The following RAB36 variants were observed in gnomAD, a reference collection of about 807,000 sequenced individuals.
The protein encoded by RAB36 is RAB36, member RAS oncogene family.
Under a neutral mutation model 39.3 loss-of-function variants are expected in RAB36, and 33 were observed. The observed-to-expected ratio is 0.84, with a 90% CI of 0.64 to 1.12. The LOEUF (loss-of-function observed/expected upper bound fraction) is 1.12. Among genes scored for constraint, RAB36 ranks in the 50% most tolerant of loss-of-function variants. RAB36 has a pLI of 0.00. For synonymous variants in RAB36, 133 were observed against 140.2 expected (o/e 0.95, Z 0.36); for missense variants, 308 against 355.3 (o/e 0.87, Z 1.07).
intron 2 of RAB36, among the ~76,000 whole-genome samples, chr22:23,149,420 G>T (rs919596900): frequency 5.9e-5 from 9 of 152,216 alleles, no homozygotes; most frequent in African/African-American, 1.9e-4. Context: ...TGAGGCCCAT[G>T]CTCTTAAACC....
downstream of RAB36, among the ~76,000 whole-genome samples, chr22:23,167,782 A>C (rs2072075849): frequency 6.6e-6 from 1 of 151,854 alleles, no homozygotes; most frequent in South Asian, 2.1e-4. Context: ...TCCCGGTCTC[A>C]AGCAATCCTC....
chr22:23,158,846 G>C (rs891940033), intron 7 of RAB36, 52 bp from the exon 8 acceptor site: 1 of 1,545,952 alleles, frequency 6.5e-7, no homozygotes, highest in Admixed American at 1.7e-5. Flanking sequence ...TCTGCCCCCT[G>C]TTTGGGGTGG....
At position 23,150,058 on chromosome 22, in the gene RAB36, T is replaced by A. The variant is rs2071015237; in HGVS notation, c.70-5T>A. On this transcript the variant is annotated splice_polypyrimidine_tract_variant and splice_region_variant and intron_variant, in intron 2 of 10. Coordinates refer to ENST00000263116, the MANE Select transcript of RAB36 (RefSeq NM_004914.5). Reference sequence around the variant, plus strand: ...TGATGTGTCCGTCTGTCTGTCTCTTTGCAGTGGTACACGCCGGAAGCCTGT... The same window carrying A: ...TGATGTGTCCGTCTGTCTGTCTCTTAGCAGTGGTACACGCCGGAAGCCTGT... 1 of 1,603,390 alleles carries A rather than the reference T, an allele frequency of 6.2e-7. No homozygotes were observed. The highest frequency in any genetic ancestry group is 1.3e-5 in the African/African-American group (1 of 74,918).
rs2071887713 is a variant in RAB36, at chr22:23,162,866, TATTC to T, written c.*1307_*1310del. On this transcript the variant is annotated 3_prime_UTR_variant, in exon 11 of 11. Coordinates refer to ENST00000263116, the MANE Select transcript of RAB36 (RefSeq NM_004914.5). Reference sequence around the variant, plus strand: ...AGGGAAGAACACTGGCATCTTTTTCTATTCATTCCCCCTTCAACATATTTTTTGT... The same window carrying T: ...AGGGAAGAACACTGGCATCTTTTTCTATTCCCCCTTCAACATATTTTTTGT... The T allele has an allele frequency of 2.5e-6, 1 of 406,216 alleles. No homozygotes were observed. The highest frequency in any genetic ancestry group is 2.1e-5 in the African/African-American group (1 of 48,504). The allele number at this position is 406,216 out of a possible 1,614,324, so 25.2% of individuals were successfully genotyped here. A position where few individuals can be genotyped will look rare whatever the true frequency, so the allele number is the denominator to read the frequency against.
In RAB36 at chr22:23,162,688, C is replaced by T; in HGVS notation, c.*1124C>T. The stretch of plus-strand genomic sequence containing the variant: ...ACAGCCCCAGGCCCCTGTCACCTGG[C>T]TATGCCCACTCATCCCACCCGTCTC... On this transcript the variant is annotated 3_prime_UTR_variant, in exon 11 of 11. Coordinates refer to ENST00000263116, the MANE Select transcript of RAB36 (RefSeq NM_004914.5). The T allele has an allele frequency of 2.2e-6, 1 of 456,324 alleles. No homozygotes were observed. Among genetic ancestry groups the T allele is most frequent in the Non-Finnish European group, 4.4e-6 (1 of 226,980 alleles). 28.3% of individuals were successfully genotyped at this position (456,324 alleles called of 1,614,324 possible).
At chr22:23,153,168 G>T in intron 5 of RAB36, 34 bp downstream of exon 5, 1 of 1,504,000 alleles carries the variant, frequency 6.6e-7, no homozygotes, top group Non-Finnish European at 9.3e-7. Flanking sequence ...CTCGTGGGCA[G>T]CTTCCTACAG....
intron 7 of RAB36, 78 bp downstream of exon 7, chr22:23,158,121 G>A: frequency 6.3e-7 from 1 of 1,587,640 alleles, no homozygotes; most frequent in African/African-American, 1.3e-5. Context: ...ACCCTGGCCA[G>A]TGGACCCTGA....
downstream of RAB36, among the ~76,000 whole-genome samples, chr22:23,166,741 T>C (rs2072058985): frequency 6.6e-6 from 1 of 152,100 alleles, no homozygotes; most frequent in Non-Finnish European, 1.5e-5. Context: ...GCTCTACACC[T>C]TGGATCCCAA....
chr22:23,157,687 C>A (rs1291974147), intron 6 of RAB36, among the ~76,000 whole-genome samples: 1 of 152,248 alleles, frequency 6.6e-6, no homozygotes. Context: ...CTCACCTGAG[C>A]TCCCTTAGCC....
intron 3 of RAB36, 44 bp from the exon 4 acceptor site, chr22:23,152,417 C>T (rs1466078181): frequency 4.4e-6 from 7 of 1,605,244 alleles, no homozygotes; most frequent in Admixed American, 1.7e-5. Context: ...CTGAAGACAC[C>T]CTGGAAGGCA....
chr22:23,148,205 GAGA>G (rs1427246743), intron 2 of RAB36, among the ~76,000 whole-genome samples: 1 of 152,164 alleles, frequency 6.6e-6, no homozygotes, highest in Non-Finnish European at 1.5e-5. Flanking sequence ...CACACCTACA[GAGA>G]AAGGCTTTGT....
intron 5 of RAB36, chr22:23,153,604 T>C (rs1034290813): frequency 1.1e-4 from 111 of 984,524 alleles, no homozygotes; most frequent in Non-Finnish European, 1.3e-4. Context: ...AGCACCCACA[T>C]CCTTCCTCAG....
chr22:23,153,567 G>C, intron 5 of RAB36: 1 of 985,254 alleles, frequency 1.0e-6, no homozygotes, highest in South Asian at 4.7e-5. Flanking sequence ...GCCAGGCTTG[G>C]GCAAGGAGGG....
rs758848844 is a variant in RAB36, at chr22:23,146,679, C to T, written c.63C>T (p.Phe21=). 5.5e-5 allele frequency: 88 copies of T among 1,613,776 alleles called. No homozygotes were observed. The highest frequency in any genetic ancestry group is 6.9e-5 in the Non-Finnish European group (82 of 1,179,870). Residue 21 remains phenylalanine (F), a synonymous_variant, in exon 2 of 11, where the codon TTC becomes TTT. Coordinates refer to ENST00000263116, the MANE Select transcript of RAB36 (RefSeq NM_004914.5). ...GCCGCGACCGTGTCATCGCCAGCTT[C>T]CCTAAGGTAGAGAGTCATTACGTCT... ...PVSRDRVIAS[F]PKWYTPEACL... is the part of the protein sequence containing the mutation.
chr22:23,149,253 T>C (rs1303476451), intron 2 of RAB36, among the ~76,000 whole-genome samples: 1 of 152,138 alleles, frequency 6.6e-6, no homozygotes, highest in African/African-American at 2.4e-5. Flanking sequence ...ACAGCCTCAA[T>C]GGTGTCCTTC....
chr22:23,160,852 G>T, intron 9 of RAB36, 27 bp from the exon 10 acceptor site: 1 of 1,608,150 alleles, frequency 6.2e-7, no homozygotes, highest in Admixed American at 1.7e-5. Flanking sequence ...ACACTGATGA[G>T]GTCCCGGCTG....
At chr22:23,156,690 A>C (rs1170767941) in intron 6 of RAB36, among the ~76,000 whole-genome samples, 1 of 152,228 alleles carries the variant, frequency 6.6e-6, no homozygotes, top group Non-Finnish European at 1.5e-5. Flanking sequence ...TGAAAAAGTT[A>C]CAACATTTTC....
intron 9 of RAB36, 37 bp downstream of exon 9, chr22:23,159,290 G>A: frequency 6.5e-7 from 1 of 1,542,648 alleles, no homozygotes; most frequent in Non-Finnish European, 8.8e-7. Flanking sequence ...GTGGGGCAGA[G>A]CCCTGCTCTT....
At chr22:23,157,626 G>C (rs539754364) in intron 6 of RAB36, among the ~76,000 whole-genome samples, 1 of 152,192 alleles carries the variant, frequency 6.6e-6, no homozygotes, top group African/African-American at 2.4e-5. Flanking sequence ...TACAGGTCTC[G>C]TCCTCGCCAT....
Sources: gnomAD v4.1 joint callset for allele counts (sites outside exome capture counted in the v4.1 genomes callset) on GRCh38, gnomAD v4.1.1 for gene constraint, MANE v1.5 for transcripts, NCBI Gene and HGNC (gene_info 2026-07-23, HGNC 2026-07-21) for gene names.